Variants in SMYD3 observed in about 807,000 individuals in gnomAD.
SMYD3 encodes the protein histone-lysine N-methyltransferase SMYD3.
A neutral mutation model predicts 57.7 loss-of-function variants in SMYD3; 36 were observed. The observed-to-expected ratio is 0.62, with a 90% CI of 0.48 to 0.82. SMYD3 has a LOEUF of 0.82. Ranked by LOEUF, SMYD3 falls within the 40% of genes least tolerant of loss-of-function variation. The pLI, the probability that SMYD3 is intolerant of heterozygous loss-of-function variation, is 0.00. For missense variants in SMYD3, 515 were observed against 538.8 expected, an observed-to-expected ratio of 0.96 and a Z score of 0.44; for synonymous variants, 211 against 195.0, an observed-to-expected ratio of 1.08 and a Z score of -0.68.
At chr1:246,252,886 GTCA>G (rs1393102786) in intron 5 of SMYD3, among the ~76,000 whole-genome samples, 1 of 152,142 alleles carries the variant, frequency 6.6e-6, no homozygotes, top group Admixed American at 6.5e-5. Flanking sequence ...GAGCACAGAA[GTCA>G]TCAAACAGAT....
chr1:246,287,669 T>C (rs998153406), intron 5 of SMYD3, among the ~76,000 whole-genome samples: 1 of 152,162 alleles, frequency 6.6e-6, no homozygotes, highest in African/African-American at 2.4e-5. Context: ...GTGTGGTTCC[T>C]TACACCTGAC....
chr1:246,246,547 G>A (rs2063707429), intron 5 of SMYD3, among the ~76,000 whole-genome samples: 1 of 151,918 alleles, frequency 6.6e-6, no homozygotes, highest in African/African-American at 2.4e-5. Flanking sequence ...TTCATATTCT[G>A]GGTTATGTAT....
At chr1:246,496,685 G>T (rs140178903) in intron 1 of SMYD3, among the ~76,000 whole-genome samples, 1 of 151,900 alleles carries the variant, frequency 6.6e-6, no homozygotes, top group East Asian at 1.9e-4. Context: ...AAAATTAGCC[G>T]GGCATGGTGG....
At chr1:246,411,490 A>G (rs1453440539) in intron 1 of SMYD3, among the ~76,000 whole-genome samples, 1 of 152,194 alleles carries the variant, frequency 6.6e-6, no homozygotes, top group Non-Finnish European at 1.5e-5. Context: ...TACCCAAAGG[A>G]TTATAAATCA....
At chr1:245,755,958 T>C (rs2045587229) in intron 11 of SMYD3, among the ~76,000 whole-genome samples, 1 of 148,746 alleles carries the variant, frequency 6.7e-6, no homozygotes, top group Non-Finnish European at 1.5e-5. Flanking sequence ...ATTTAATTTT[T>C]TGTTTTCTGT....
chr1:245,988,429 A>C (rs995776713), intron 5 of SMYD3: 1 of 152,252 alleles, frequency 6.6e-6, no homozygotes, highest in Non-Finnish European at 1.5e-5. Context: ...ACAATTAGGT[A>C]AAATTCAAAG....
At chr1:246,359,293 C>G (rs1035783593) in intron 1 of SMYD3, among the ~76,000 whole-genome samples, 1 of 152,078 alleles carries the variant, frequency 6.6e-6, no homozygotes, top group Non-Finnish European at 1.5e-5. Flanking sequence ...AGACCAATAA[C>G]AAGCAGCAAG....
intron 5 of SMYD3, among the ~76,000 whole-genome samples, chr1:245,935,013 C>G (rs1037495343): frequency 6.6e-6 from 1 of 152,138 alleles, no homozygotes; most frequent in African/African-American, 2.4e-5. Context: ...TGATTAAAGA[C>G]AGAAGCAAGT....
intron 5 of SMYD3, among the ~76,000 whole-genome samples, chr1:246,226,023 C>T (rs971174145): frequency 6.6e-6 from 1 of 152,122 alleles, no homozygotes. Flanking sequence ...TTGACAAGAT[C>T]GGTTTCCATA....
At chr1:246,429,813 G>A (rs1173490797) in intron 1 of SMYD3, among the ~76,000 whole-genome samples, 1 of 146,162 alleles carries the variant, frequency 6.8e-6, no homozygotes, top group Non-Finnish European at 1.5e-5. Flanking sequence ...TACGAGAAAC[G>A]GTAACTCCTG....
At chr1:246,311,660 C>T (rs371901356) in intron 5 of SMYD3, among the ~76,000 whole-genome samples, 7 of 152,340 alleles carry the variant, frequency 4.6e-5, no homozygotes, top group South Asian at 2.1e-4. Flanking sequence ...CACACGCGCA[C>T]GCGCGCACAC....
intron 5 of SMYD3, among the ~76,000 whole-genome samples, chr1:246,229,309 AG>A (rs965272597): frequency 1.3e-5 from 2 of 152,228 alleles, no homozygotes; most frequent in African/African-American, 4.8e-5. Flanking sequence ...TTTAAAAAAA[AG>A]GGATTAGTGT....
chr1:246,429,664 C>T (rs1346699966), intron 1 of SMYD3, among the ~76,000 whole-genome samples: 3 of 152,202 alleles, frequency 2.0e-5, no homozygotes, highest in African/African-American at 4.8e-5. Flanking sequence ...CGTCAGAGGC[C>T]TCACTCCTCA....
At chr1:246,040,259 C>T (rs769116098) in intron 5 of SMYD3, among the ~76,000 whole-genome samples, 1 of 152,162 alleles carries the variant, frequency 6.6e-6, no homozygotes, top group Non-Finnish European at 1.5e-5. Flanking sequence ...TATGTAGCTC[C>T]GGAGGGGTTC....
At chr1:246,284,945 G>A (rs1385780307) in intron 5 of SMYD3, among the ~76,000 whole-genome samples, 1 of 149,374 alleles carries the variant, frequency 6.7e-6, no homozygotes, top group Non-Finnish European at 1.5e-5. Context: ...TAGTGATATT[G>A]ACTAGTAACT....
At chr1:245,926,510 T>C (rs2056384886) in intron 7 of SMYD3, among the ~76,000 whole-genome samples, 2 of 152,164 alleles carry the variant, frequency 1.3e-5, no homozygotes, top group African/African-American at 4.8e-5. Context: ...AAATGTCTCG[T>C]ATTTGGCAAG....
At chr1:246,412,809 GAT>G (rs1292161354) in intron 1 of SMYD3, among the ~76,000 whole-genome samples, 1 of 138,908 alleles carries the variant, frequency 7.2e-6, no homozygotes, top group Non-Finnish European at 1.5e-5. Flanking sequence ...TGTGAGCCGA[GAT>G]CGCACCATTG....
chr1:246,050,528 T>G (rs376624659), intron 5 of SMYD3, among the ~76,000 whole-genome samples: 2 of 152,198 alleles, frequency 1.3e-5, no homozygotes, highest in East Asian at 3.9e-4. Flanking sequence ...GAAGAGGTTC[T>G]AAGTGTCAGG....
chr1:246,137,873 G>T (rs1166759087), intron 5 of SMYD3, among the ~76,000 whole-genome samples: 1 of 151,980 alleles, frequency 6.6e-6, no homozygotes, highest in Admixed American at 6.6e-5. Flanking sequence ...TTTTGGAATG[G>T]CTCTTTGGTA....
Sources: allele counts gnomAD v4.1 joint callset (sites outside exome capture counted in the v4.1 genomes callset), GRCh38; gene constraint gnomAD v4.1.1; transcripts MANE v1.5; gene names NCBI Gene and HGNC (gene_info 2026-07-23, HGNC 2026-07-21).